Variants in SUFU observed in about 807,000 individuals in gnomAD.
SUFU encodes the protein SUFU negative regulator of hedgehog signaling, also known as suppressor of fused homolog.
Under a neutral mutation model 58.9 loss-of-function variants are expected in SUFU, and 7 were observed. That is an observed-to-expected ratio of 0.12 (90% CI 0.07 to 0.22). The LOEUF (loss-of-function observed/expected upper bound fraction) is 0.22, where lower values mean the gene tolerates loss of function less well. Ranked by LOEUF, SUFU falls within the 10% of genes least tolerant of loss-of-function variation. SUFU has a pLI of 1.00. For synonymous variants in SUFU, 232 were observed against 254.8 expected (o/e 0.91, Z 0.85); for missense variants, 451 against 641.3 (o/e 0.70, Z 3.20).
Position 102,619,213 on chromosome 10 carries a change from C to A in SUFU, c.1296+1785C>A. 1 of 1,579,446 alleles carries A rather than the reference C, an allele frequency of 6.3e-7. No homozygotes were observed. Among genetic ancestry groups the A allele is most frequent in the South Asian group, 1.1e-5 (1 of 88,428 alleles). On this transcript the variant is annotated intron_variant, in intron 10 of 11. Coordinates refer to ENST00000369902, the MANE Select transcript of SUFU (RefSeq NM_016169.4). This position sits in a 1 kb window ranked among gnomAD's most constrained non-coding sequence, Gnocchi z 4.2. Reference sequence around the variant, plus strand: ...AGATGTCACATTGCCCCTCAGTCCCCTGAATGCCCTTCGGACCCAACCCCA... The same window carrying A: ...AGATGTCACATTGCCCCTCAGTCCCATGAATGCCCTTCGGACCCAACCCCA...
At chr10:102,606,330 A>T (rs1233900309) in intron 8 of SUFU, among the ~76,000 whole-genome samples, 1 of 152,242 alleles carries the variant, frequency 6.6e-6, no homozygotes, top group African/African-American at 2.4e-5. Flanking sequence ...GCCATCCCAT[A>T]AACCACCCCT....
At chr10:102,607,049 T>C (rs2135908353) in intron 8 of SUFU, among the ~76,000 whole-genome samples, 1 of 148,086 alleles carries the variant, frequency 6.8e-6, no homozygotes, top group East Asian at 2.1e-4. Context: ...TGTGGACCAT[T>C]GGTAAGAGTA....
rs1554842626 is a variant in SUFU at position 102,518,519 on chromosome 10, G to GTCTGTCTATCTATCTA, written c.317+9219_317+9220insGTCTATCTATCTATCT. On this transcript the variant is annotated intron_variant, in intron 2 of 11. Coordinates refer to ENST00000369902, the MANE Select transcript of SUFU (RefSeq NM_016169.4). ...TATCTATCTAACTGTCTGTCTGTCT[G>GTCTGTCTATCTATCTA]TCTATCTATCTATCTATCTATCTAT... 1.5e-3 allele frequency among the ~76,000 whole-genome samples: 225 copies of GTCTGTCTATCTATCTA among 147,220 alleles called. 2 individuals are homozygous for GTCTGTCTATCTATCTA. The highest frequency in any genetic ancestry group is 3.4e-3 in the Middle Eastern group (1 of 290).
chr10:102,556,179 C>T (rs1033965), intron 3 of SUFU, among the ~76,000 whole-genome samples: 151,940 of 152,202 alleles, frequency 1, 75,840 homozygotes, highest in South Asian at 1. Context: ...GGGGCGGGGG[C>T]GGAGATGCCC....
intron 4 of SUFU, 116 bp downstream of exon 4, chr10:102,592,840 G>A: frequency 8.3e-7 from 1 of 1,205,314 alleles, no homozygotes; most frequent in Non-Finnish European, 1.2e-6. Flanking sequence ...GCCTCGTCCT[G>A]ATTTCTGTTT....
chr10:102,544,426 C>T (rs1214478532), intron 2 of SUFU, among the ~76,000 whole-genome samples: 1 of 152,132 alleles, frequency 6.6e-6, no homozygotes, highest in Admixed American at 6.6e-5. Context: ...CCAGGCCAGG[C>T]ACGGTGGCTG....
chr10:102,581,039 GC>G (rs2063271680), intron 3 of SUFU, among the ~76,000 whole-genome samples: 1 of 151,914 alleles, frequency 6.6e-6, no homozygotes, highest in African/African-American at 2.4e-5. Flanking sequence ...AATTAGCTGG[GC>G]ATGGTGGTGT....
At chr10:102,551,598 A>G (rs553184109) in intron 3 of SUFU, among the ~76,000 whole-genome samples, 3 of 150,542 alleles carry the variant, frequency 2.0e-5, no homozygotes, top group African/African-American at 7.3e-5. Context: ...AGATCGCACC[A>G]CTGTACTCCA....
At position 102,531,170 on chromosome 10, in the gene SUFU, A is replaced by G. The variant is rs183417641; in HGVS notation, c.318-18800A>G. ...CTCAGGAGACTGAGGCAGGAGGATC[A>G]CTTGAGCCTGGAAGGCTGAGGCAGC... On this transcript the variant is annotated intron_variant, in intron 2 of 11. Coordinates refer to ENST00000369902, the MANE Select transcript of SUFU (RefSeq NM_016169.4). 3.1e-3 allele frequency among the ~76,000 whole-genome samples: 464 copies of G among 151,850 alleles called. 3 individuals are homozygous for G. Among genetic ancestry groups the G allele is most frequent in the Non-Finnish European group, 5.6e-3 (383 of 67,974 alleles).
At chr10:102,549,889 A>AG in intron 2 of SUFU, 81 bp from the exon 3 acceptor site, 1 of 1,574,952 alleles carries the variant, frequency 6.3e-7, no homozygotes, top group South Asian at 1.1e-5. Flanking sequence ...CACCATAAAA[A>AG]GGGGGAGAAC....
intron 3 of SUFU, among the ~76,000 whole-genome samples, chr10:102,582,961 G>C (rs2063298934): frequency 6.6e-6 from 1 of 152,218 alleles, no homozygotes; most frequent in African/African-American, 2.4e-5. Flanking sequence ...GAGCAAGAGA[G>C]AGGAAGCCAG....
chr10:102,623,579 G>C (rs1329874882), intron 10 of SUFU, among the ~76,000 whole-genome samples: 1 of 152,204 alleles, frequency 6.6e-6, no homozygotes, highest in Non-Finnish European at 1.5e-5. Flanking sequence ...TACAGTTGGG[G>C]TGTCTTCCCC....
intron 8 of SUFU, among the ~76,000 whole-genome samples, chr10:102,610,047 C>T (rs12415939): frequency 3.3e-5 from 5 of 152,072 alleles, no homozygotes; most frequent in Admixed American, 2.6e-4. Flanking sequence ...TTCCAAAGAC[C>T]GCTAAGTGGA....
Position 102,629,020 on chromosome 10 carries a change from G to A in SUFU, c.1366-1046G>A, listed in dbSNP as rs1232616524. ...ATAATACAATAATTAGCCGGGCTTG[G>A]TGGTGCATGCCTGTAATCTCAGCTA... On this transcript the variant is annotated intron_variant, in intron 11 of 11. Transcript: ENST00000369902. The surrounding 1 kb of genome is among the most constrained non-coding windows in gnomAD (Gnocchi z 4.7). Among the ~76,000 whole-genome samples the A allele has an allele frequency of 6.6e-6, 1 of 152,154 alleles. No homozygotes were observed. The highest frequency in any genetic ancestry group is 1.5e-5 in the Non-Finnish European group (1 of 68,030).
At chr10:102,621,525 C>G (rs980744728) in intron 10 of SUFU, among the ~76,000 whole-genome samples, 1 of 152,284 alleles carries the variant, frequency 6.6e-6, no homozygotes, top group Admixed American at 6.5e-5. Context: ...CGCCTCTGTC[C>G]CTGACCTGGG....
intron 2 of SUFU, among the ~76,000 whole-genome samples, chr10:102,514,565 C>G (rs746404140): frequency 2.0e-5 from 3 of 152,202 alleles, no homozygotes; most frequent in African/African-American, 4.8e-5. Context: ...TTTCTAGGAA[C>G]CCCAAGGCTG....
At chr10:102,592,463 A>G (rs970941982) in intron 3 of SUFU, 119 bp from the exon 4 acceptor site, 5 of 1,169,192 alleles carry the variant, frequency 4.3e-6, no homozygotes, top group East Asian at 4.7e-5. Flanking sequence ...CTCTTCCTTC[A>G]CAGGGGCTAC....
At chr10:102,581,990 C>CT (rs1485926746) in intron 3 of SUFU, among the ~76,000 whole-genome samples, 1 of 152,232 alleles carries the variant, frequency 6.6e-6, no homozygotes, top group African/African-American at 2.4e-5. Flanking sequence ...AAAAACACCT[C>CT]TTGCAGACTA....
chr10:102,515,833 C>T (rs1296336895), intron 2 of SUFU, among the ~76,000 whole-genome samples: 3 of 152,166 alleles, frequency 2.0e-5, no homozygotes, highest in Non-Finnish European at 2.9e-5. Flanking sequence ...GGGGGGCACA[C>T]CTCCCTGAAG....
Sources: allele counts gnomAD v4.1 joint callset (sites outside exome capture counted in the v4.1 genomes callset), GRCh38; gene constraint gnomAD v4.1.1; non-coding constraint Gnocchi (gnomAD v3.1); transcripts MANE v1.5; gene names NCBI Gene and HGNC (gene_info 2026-07-23, HGNC 2026-07-21).